Variants in TOX2 observed in about 807,000 individuals in gnomAD.
The protein encoded by TOX2 is granulosa cell HMG box 1.
Under a neutral mutation model 47.4 loss-of-function variants are expected in TOX2, and 15 were observed. The ratio of observed to expected loss-of-function variants is 0.32; its 90% confidence interval spans 0.21 to 0.49. The LOEUF is 0.49. TOX2 is among the 20% of genes least tolerant of loss of function. The pLI, the probability that TOX2 is intolerant of heterozygous loss-of-function variation, is 0.99. For synonymous variants in TOX2, 290 were observed against 296.6 expected (o/e 0.98, Z 0.23); for missense variants, 622 against 673.1 (o/e 0.92, Z 0.84).
At chr20:43,942,097 G>C (rs1443605707) in intron 1 of TOX2, among the ~76,000 whole-genome samples, 1 of 152,202 alleles carries the variant, frequency 6.6e-6, no homozygotes, top group Non-Finnish European at 1.5e-5. Flanking sequence ...GTGCAAGTGT[G>C]AGGATTAAAT....
intron 2 of TOX2, among the ~76,000 whole-genome samples, chr20:43,990,552 C>T (rs2145545016): frequency 6.6e-6 from 1 of 152,346 alleles, no homozygotes; most frequent in Non-Finnish European, 1.5e-5. Context: ...CCTGGGAGGA[C>T]AATGGCATGA....
At chr20:43,963,276 A>G (rs1458386431) in intron 1 of TOX2, among the ~76,000 whole-genome samples, 1 of 152,120 alleles carries the variant, frequency 6.6e-6, no homozygotes, top group Non-Finnish European at 1.5e-5. Flanking sequence ...GATGCCTTTT[A>G]TTGACTGAAA....
At chr20:43,954,532 C>A (rs1458939742) in intron 1 of TOX2, among the ~76,000 whole-genome samples, 1 of 152,182 alleles carries the variant, frequency 6.6e-6, no homozygotes, top group Non-Finnish European at 1.5e-5. Context: ...AGCGAACAAA[C>A]CTCTGCGGAA....
intron 5 of TOX2, 54 bp downstream of exon 5, chr20:44,054,580 C>A (rs1019598872): frequency 4.5e-6 from 7 of 1,552,234 alleles, no homozygotes; most frequent in Non-Finnish European, 6.2e-6. Context: ...GTCCTGGAAC[C>A]AAGGACACAC....
chr20:44,065,390 A>C (rs4812779), intron 6 of TOX2, among the ~76,000 whole-genome samples: 120,730 of 152,144 alleles, frequency 0.79, 48,189 homozygotes, highest in African/African-American at 0.87. Flanking sequence ...GTCAAGGGAA[A>C]AACATCTACA....
Position 44,039,956 on chromosome 20 carries a change from G to A in TOX2, c.412-11350G>A, listed in dbSNP as rs578130659. 5.3e-5 allele frequency among the ~76,000 whole-genome samples: 8 copies of A among 152,294 alleles called. No individual in the cohort carries two copies. In the East Asian group the frequency reaches 7.7e-4, roughly 15 times the overall value. On this transcript the variant is annotated intron_variant, in intron 3 of 8. Transcript: ENST00000341197. ...GGACCCCCGAGGTGGGCCGAGGGCC[G>A]GGGGGCAGGGTCTCCACTGCATCTG... is the stretch of plus-strand genomic sequence containing the variant.
intron 1 of TOX2, among the ~76,000 whole-genome samples, chr20:43,964,301 C>T (rs1290439479): frequency 6.6e-6 from 1 of 152,134 alleles, no homozygotes; most frequent in African/African-American, 2.4e-5. Flanking sequence ...CCATCTGTGC[C>T]GGGCTCTCTG....
intron 2 of TOX2, among the ~76,000 whole-genome samples, chr20:43,982,891 C>T (rs376779772): frequency 1.1e-4 from 16 of 151,378 alleles, no homozygotes; most frequent in Admixed American, 3.3e-4. Flanking sequence ...AAGCAGAAGG[C>T]GTGTTCTAAG....
At position 43,973,371 on chromosome 20, in the gene TOX2, A is replaced by T; in HGVS notation, c.104A>T (p.Asp35Val). The T allele has an allele frequency of 6.2e-7, 1 of 1,614,046 alleles. No homozygotes were observed. The highest frequency in any genetic ancestry group is 1.1e-5 in the South Asian group (1 of 91,078). ...HLDYYHGGKF[D>V]GDSAYVGMSD... ...CTCCCTCTCTCTCTATTCTAGTTTGATGGTGACAGTGCCTACGTGGGGATG... is the reference window on the plus strand; with the variant it reads ...CTCCCTCTCTCTCTATTCTAGTTTGTTGGTGACAGTGCCTACGTGGGGATG... Residue 35 changes from aspartate (D) to valine (V), a missense_variant, in exon 2 of 9, where the codon GAT becomes GTT. By Grantham distance (152) the Asp-to-Val change is radical. Around this residue, in one of 3 missense-constraint regions of TOX2, gnomAD observed 307 missense variants for 327.3 expected, o/e 0.94. Coordinates refer to ENST00000341197, the MANE Select transcript of TOX2 (RefSeq NM_001098797.2).
At chr20:43,937,971 G>A (rs941948019) in intron 1 of TOX2, among the ~76,000 whole-genome samples, 1 of 152,164 alleles carries the variant, frequency 6.6e-6, no homozygotes, top group African/African-American at 2.4e-5. Context: ...AACCGTGCAA[G>A]TAGCTGCCCA....
intron 2 of TOX2, among the ~76,000 whole-genome samples, chr20:43,975,331 CAT>C (rs2070057431): frequency 6.6e-6 from 1 of 152,202 alleles, no homozygotes; most frequent in African/African-American, 2.4e-5. Context: ...CATTAACAGT[CAT>C]ATCCTCAACA....
At chr20:43,978,162 C>T (rs1305232622) in intron 2 of TOX2, among the ~76,000 whole-genome samples, 1 of 152,152 alleles carries the variant, frequency 6.6e-6, no homozygotes, top group Non-Finnish European at 1.5e-5. Context: ...GCTAACTATT[C>T]ACAGCTACTC....
chr20:43,934,054 A>C (rs926043473), intron 1 of TOX2, among the ~76,000 whole-genome samples: 19 of 140,996 alleles, frequency 1.3e-4, no homozygotes, highest in Admixed American at 2.8e-4. Context: ...TCTGGTCCTC[A>C]GGCTGTGATG....
chr20:44,058,926 G>A (rs2071669460), intron 5 of TOX2, among the ~76,000 whole-genome samples: 1 of 152,162 alleles, frequency 6.6e-6, no homozygotes, highest in African/African-American at 2.4e-5. Flanking sequence ...ACCCAAATGG[G>A]AAGGAACCAG....
chr20:43,915,193 G>C lies in TOX2; in HGVS notation c.99+203G>C, dbSNP rs546540422. Among the ~76,000 whole-genome samples the C allele has an allele frequency of 6.6e-6, 1 of 152,030 alleles. No homozygotes were observed. ...GCAGAAGTCATCCCGACAGCCACCC[G>C]TGCGACGACACAGTGGCCCCTCACT... On this transcript the variant is annotated intron_variant, in intron 1 of 8. Transcript: ENST00000341197. The surrounding 1 kb of genome is among the most constrained non-coding windows in gnomAD (Gnocchi z 7.1).
In TOX2 at chr20:43,927,683, T is replaced by TC. The variant is rs1555829434; in HGVS notation, c.99+12695dup. Among the ~76,000 whole-genome samples the TC allele has an allele frequency of 2.2e-3, 195 of 90,596 alleles. 6 individuals carry two copies. Among genetic ancestry groups the TC allele is most frequent in the African/African-American group, 0.013 (180 of 13,800 alleles). 59.4% of individuals were successfully genotyped at this position (90,596 alleles called of 152,430 possible). The stretch of plus-strand genomic sequence containing the variant: ...CCCCTTCCTTCCTTCCTTTCTTCCT[T>TC]CCTTCCCTTCCCCTTCCTTCCTTTC... On this transcript the variant is annotated intron_variant, in intron 1 of 8. Transcript: ENST00000341197.
chr20:44,021,410 A>G (rs1478419859), intron 3 of TOX2, among the ~76,000 whole-genome samples: 1 of 152,102 alleles, frequency 6.6e-6, no homozygotes, highest in African/African-American at 2.4e-5. Context: ...AGACTGAAGG[A>G]TCAGCCTGAG....
intron 1 of TOX2, among the ~76,000 whole-genome samples, chr20:43,935,280 C>T (rs529350522): frequency 3.3e-5 from 5 of 152,286 alleles, no homozygotes; most frequent in South Asian, 2.1e-4. Flanking sequence ...ACTCTTTCTC[C>T]GCCATCTTCC....
Position 44,053,451 on chromosome 20 carries a change from C to T in TOX2, c.652-848C>T, listed in dbSNP as rs1168639812. Among the ~76,000 whole-genome samples, 279 of 146,244 alleles carry T rather than the reference C, an allele frequency of 1.9e-3. 2 individuals are homozygous for T. The highest frequency in any genetic ancestry group is 5.8e-3 in the African/African-American group (216 of 37,166). The stretch of plus-strand genomic sequence containing the variant: ...GAGGGCAGATATATACACACACACA[C>T]ACACACACACACACACACACATATA... On this transcript the variant is annotated intron_variant, in intron 4 of 8. Coordinates refer to ENST00000341197, the MANE Select transcript of TOX2 (RefSeq NM_001098797.2).
Sources: allele counts gnomAD v4.1 joint callset (sites outside exome capture counted in the v4.1 genomes callset), GRCh38; gene constraint gnomAD v4.1.1; regional missense constraint gnomAD v4.1.1; non-coding constraint Gnocchi (gnomAD v3.1); transcripts MANE v1.5; gene names NCBI Gene and HGNC (gene_info 2026-07-23, HGNC 2026-07-21).